The following ZNF675 variants were observed in gnomAD, a reference collection of about 807,000 sequenced individuals.
ZNF675 encodes the protein zinc finger protein 675, also known as TRAF6 inhibitory zinc finger.
ZNF675 carries 36 observed loss-of-function variants against 56.1 expected under a neutral mutation model. The ratio of observed to expected loss-of-function variants is 0.64; its 90% CI spans 0.49 to 0.85. The LOEUF (loss-of-function observed/expected upper bound fraction) is 0.85, where lower values mean the gene tolerates loss of function less well. ZNF675 is among the 40% of genes least tolerant of loss of function. The pLI, the probability that ZNF675 is intolerant of heterozygous loss-of-function variation, is 0.00. For missense variants in ZNF675, 663 were observed against 654.2 expected, an observed-to-expected ratio of 1.01 and a Z score of -0.15; for synonymous variants, 200 against 218.9, an observed-to-expected ratio of 0.91 and a Z score of 0.76.
chr19:23,655,434 C>G (rs1386395487), intron 3 of ZNF675: 1 of 151,630 alleles, frequency 6.6e-6, no homozygotes, highest in Non-Finnish European at 1.5e-5. Context: ...ATTAACTGGA[C>G]ACATCACATG....
intron 1 of ZNF675, among the ~76,000 whole-genome samples, chr19:23,674,418 G>T (rs1324416776): frequency 6.6e-6 from 1 of 151,288 alleles, no homozygotes; most frequent in Non-Finnish European, 1.5e-5. Context: ...TGAGGCAGGC[G>T]GATCACCTGA....
In ZNF675 at chr19:23,653,302, G is replaced by A; in HGVS notation, c.1631C>T (p.Ala544Val). 1 of 1,613,652 alleles carries A rather than the reference G, an allele frequency of 6.2e-7. No homozygotes were observed. Among genetic ancestry groups the A allele is most frequent in the African/African-American group, 1.3e-5 (1 of 75,002 alleles). ...KPYKCERCDK[A>V]FNQSANLTKH... ...AGTAAGGTTTGCAGATTGGTTAAAAGCTTTGTCACATCTCTCACATTTATA... is the reference window on the plus strand; with the variant it reads ...AGTAAGGTTTGCAGATTGGTTAAAAACTTTGTCACATCTCTCACATTTATA... The change falls in exon 4 of 4, where the codon GCT becomes GTT. Residue 544 changes from alanine to valine, a missense_variant. Transcript: ENST00000359788.
At chr19:23,682,467 A>G (rs1332363807) in intron 1 of ZNF675, among the ~76,000 whole-genome samples, 2 of 151,776 alleles carry the variant, frequency 1.3e-5, no homozygotes, top group Non-Finnish European at 2.9e-5. Context: ...CAAAACAATA[A>G]TACTTATCTT....
intron 1 of ZNF675, among the ~76,000 whole-genome samples, chr19:23,680,749 C>T (rs1968365904): frequency 6.6e-6 from 1 of 151,322 alleles, no homozygotes; most frequent in Non-Finnish European, 1.5e-5. Context: ...AGCAAAACTC[C>T]GTCTCAGAAA....
chr19:23,687,120 G>A lies in ZNF675; in HGVS notation c.-87C>T, dbSNP rs913333075. ...AGGCCCACAGAGGCTGGACCTCTAG[G>A]AGCAGAGGACACAGAGCAATGAAAG... On this transcript the variant is annotated 5_prime_UTR_variant, in exon 1 of 4. Transcript: ENST00000359788. 3.3e-6 allele frequency: 5 copies of A among 1,535,858 alleles called. No homozygotes were observed. In the South Asian group the frequency reaches 3.3e-5, roughly 10 times the overall value.
intron 1 of ZNF675, among the ~76,000 whole-genome samples, chr19:23,669,359 A>T (rs1019477870): frequency 7.2e-5 from 11 of 152,008 alleles, no homozygotes; most frequent in African/African-American, 2.7e-4. Flanking sequence ...TTCTTTTCTT[A>T]TGCTAAATTC....
rs1240414183 is a variant in ZNF675, at chr19:23,654,224, A to C, written c.709T>G (p.Phe237Val). The C allele has an allele frequency of 1.2e-6, 2 of 1,613,924 alleles. No individual in the cohort carries two copies. The highest frequency in any genetic ancestry group is 1.7e-6 in the Non-Finnish European group (2 of 1,179,988). The stretch of plus-strand genomic sequence containing the variant: ...TCAGTAAGGTTTGAGAATTGGTTAA[A>C]AGTTCTGTCACATTCTTGACATTTG... The part of the protein sequence containing the change: ...LYKCQECDRT[F>V]NQFSNLTEYK... Residue 237 changes from phenylalanine (F) to valine (V), a missense_variant, in exon 4 of 4, where the codon TTT (phenylalanine) becomes GTT (valine). This residue lies in a region of ZNF675 where 617 missense variants were observed against 590.5 expected (regional missense o/e 1.04). Coordinates refer to ENST00000359788, the MANE Select transcript of ZNF675 (RefSeq NM_138330.3).
chr19:23,671,161 C>T (rs370456038), intron 1 of ZNF675, among the ~76,000 whole-genome samples: 30 of 152,302 alleles, frequency 2.0e-4, no homozygotes, highest in African/African-American at 7.2e-4. Flanking sequence ...GTCCCTTCCT[C>T]TTCCTGAAGG....
intron 1 of ZNF675, among the ~76,000 whole-genome samples, chr19:23,667,873 C>T (rs1469031125): frequency 2.7e-5 from 4 of 146,378 alleles, no homozygotes; most frequent in Admixed American, 6.8e-5. Context: ...ACACAGGGTG[C>T]TGATTGGTGT....
At chr19:23,678,017 G>A (rs1486281520) in intron 1 of ZNF675, among the ~76,000 whole-genome samples, 1 of 151,494 alleles carries the variant, frequency 6.6e-6, no homozygotes, top group Non-Finnish European at 1.5e-5. Context: ...CTACTCGCGA[G>A]TCTGAGGCAG....
intron 1 of ZNF675, among the ~76,000 whole-genome samples, chr19:23,665,089 TATCTC>T (rs1300412071): frequency 2.0e-5 from 3 of 150,646 alleles, no homozygotes; most frequent in East Asian, 4.0e-4. Context: ...TCACACCTGT[TATCTC>T]AGCACTTTGG....
chr19:23,660,791 C>G (rs1968065746), intron 3 of ZNF675, among the ~76,000 whole-genome samples: 1 of 152,018 alleles, frequency 6.6e-6, no homozygotes, highest in Admixed American at 6.6e-5. Context: ...GACTCCCTAT[C>G]AAAATTCCAG....
rs1353274087 is a variant in ZNF675 at position 23,653,010 on chromosome 19, G to A, written c.*216C>T. 3 of 458,538 alleles carry A rather than the reference G, an allele frequency of 6.5e-6. No homozygotes were observed. Among genetic ancestry groups the A allele is most frequent in the Non-Finnish European group, 1.1e-5 (3 of 264,014 alleles). 28.4% of individuals were successfully genotyped at this position (458,538 alleles called of 1,614,324 possible). On this transcript the variant is annotated 3_prime_UTR_variant, in exon 4 of 4. Coordinates refer to ENST00000359788, the MANE Select transcript of ZNF675 (RefSeq NM_138330.3). Reference sequence around the variant, plus strand: ...TTTATATTTGTACAATTTTTCTTAAGTATAAACGCTTTCCTGTGCAATAAG... The same window carrying A: ...TTTATATTTGTACAATTTTTCTTAAATATAAACGCTTTCCTGTGCAATAAG...
At position 23,662,093 on chromosome 19, in the gene ZNF675, TTCACTTTCATTC is replaced by T; in HGVS notation, c.226+9_226+20del. The stretch of plus-strand genomic sequence containing the variant: ...CCTCTCATCAGTGTCACCTGTTGTA[TTCACTTTCATTC>T]TCACTTACCTGGGGGTTCATTCACC... On this transcript the variant is annotated intron_variant, in intron 3 of 3. Transcript: ENST00000359788. 6.4e-7 allele frequency: 1 copy of T among 1,571,930 alleles called. No homozygotes were observed. Among genetic ancestry groups the T allele is most frequent in the Non-Finnish European group, 8.8e-7 (1 of 1,141,922 alleles).
At position 23,653,525 on chromosome 19, in the gene ZNF675, G is replaced by A. The variant is rs1405358199; in HGVS notation, c.1408C>T (p.His470Tyr). Residue 470 changes from histidine to tyrosine, a missense_variant, in exon 4 of 4, where the codon CAT (histidine) becomes TAT (tyrosine). This residue lies in a region of ZNF675 where 617 missense variants were observed against 590.5 expected (regional missense o/e 1.04). Coordinates refer to ENST00000359788, the MANE Select transcript of ZNF675 (RefSeq NM_138330.3). ...AFIQSSKLTEHKKIHSGEIPY... is the reference protein window; with the variant it reads ...AFIQSSKLTEYKKIHSGEIPY... ...ATCTCTCCAGAATGAATTTTCTTAT[G>A]TTCAGTAAGTTTTGAGGATTGGATA... The A allele has an allele frequency of 6.2e-7, 1 of 1,613,048 alleles. No homozygotes were observed. Among genetic ancestry groups the A allele is most frequent in the Non-Finnish European group, 8.5e-7 (1 of 1,179,750 alleles).
At chr19:23,681,248 A>C (rs1364409076) in intron 1 of ZNF675, among the ~76,000 whole-genome samples, 3 of 151,716 alleles carry the variant, frequency 2.0e-5, no homozygotes, top group Non-Finnish European at 4.4e-5. Flanking sequence ...TTTTCGCAAG[A>C]AGCACTAGGA....
intron 1 of ZNF675, among the ~76,000 whole-genome samples, chr19:23,672,088 G>A (rs900240178): frequency 2.0e-5 from 3 of 151,948 alleles, no homozygotes; most frequent in East Asian, 3.9e-4. Flanking sequence ...CTAGGGATGA[G>A]AGACTCAGGC....
At chr19:23,676,857 G>A (rs1968302361) in intron 1 of ZNF675, among the ~76,000 whole-genome samples, 1 of 150,876 alleles carries the variant, frequency 6.6e-6, no homozygotes, top group African/African-American at 2.5e-5. Context: ...GGTGGATCAC[G>A]AGGTCAGGAG....
chr19:23,684,261 CAA>C (rs60512603), intron 1 of ZNF675, among the ~76,000 whole-genome samples: 1,171 of 112,460 alleles, frequency 0.01, 9 homozygotes, highest in African/African-American at 0.038. Context: ...GACTCCGTCT[CAA>C]AAAAAAAAAA....
Sources: gnomAD v4.1 joint callset for allele counts (sites outside exome capture counted in the v4.1 genomes callset) on GRCh38, gnomAD v4.1.1 for gene constraint, gnomAD v4.1.1 regional missense constraint, MANE v1.5 for transcripts, NCBI Gene and HGNC (gene_info 2026-07-23, HGNC 2026-07-21) for gene names.